CAMK1D: variants seen among roughly 807,000 people sequenced by gnomAD.
The protein encoded by CAMK1D is calcium/calmodulin-dependent protein kinase type 1D.
Under a neutral mutation model 47.7 loss-of-function variants are expected in CAMK1D, and 9 were observed. The observed-to-expected ratio is 0.19, with a 90% CI of 0.11 to 0.33. CAMK1D has a LOEUF of 0.33. Among genes scored for constraint, CAMK1D ranks in the 10% least tolerant of loss-of-function variants. The pLI is 1.00. For missense variants in CAMK1D, 291 were observed against 488.7 expected (o/e 0.60, Z 3.81); for synonymous variants, 184 against 184.9 (o/e 0.99, Z 0.04).
At chr10:12,755,418 T>A (rs1471447986) in intron 3 of CAMK1D, among the ~76,000 whole-genome samples, 4 of 152,228 alleles carry the variant, frequency 2.6e-5, no homozygotes. Flanking sequence ...CCAAGCCAGG[T>A]TAAGAATGTA....
chr10:12,419,272 C>G (rs1839964063), intron 1 of CAMK1D, among the ~76,000 whole-genome samples: 1 of 151,914 alleles, frequency 6.6e-6, no homozygotes, highest in Non-Finnish European at 1.5e-5. Flanking sequence ...AAATAAAAGG[C>G]AAGAGTGAGA....
intron 3 of CAMK1D, among the ~76,000 whole-genome samples, chr10:12,721,541 C>T (rs79905002): frequency 8.1e-6 from 1 of 122,922 alleles, no homozygotes; most frequent in African/African-American, 2.8e-5. Flanking sequence ...TCCATCCATC[C>T]ATCTATCCAT....
chr10:12,587,932 C>T (rs1216846301), intron 2 of CAMK1D, among the ~76,000 whole-genome samples: 3 of 151,214 alleles, frequency 2.0e-5, no homozygotes, highest in Non-Finnish European at 4.4e-5. Context: ...CCTTCAAGCT[C>T]TTTTAAATAG....
chr10:12,392,015 A>ACG (rs1270079364), intron 1 of CAMK1D, among the ~76,000 whole-genome samples: 4 of 149,212 alleles, frequency 2.7e-5, no homozygotes, highest in African/African-American at 9.9e-5. Context: ...ACACACACAC[A>ACG]CAAACAGTCT....
At position 12,771,689 on chromosome 10, in the gene CAMK1D, G is replaced by A. The variant is rs1047835680; in HGVS notation, c.565+1890G>A. Among the ~76,000 whole-genome samples the A allele has an allele frequency of 6.6e-5, 10 of 152,214 alleles. No individual in the cohort carries two copies. The East Asian group carries it at 1.7e-3, about 26-fold the overall frequency. On this transcript the variant is annotated intron_variant, in intron 5 of 10. Transcript: ENST00000619168. ...GCAGGGGGGCTCAATTCCCTGGATC[G>A]TGTGTATGCAGAAGGCACAGAAGAA...
At chr10:12,531,098 T>C (rs982854342) in intron 1 of CAMK1D, among the ~76,000 whole-genome samples, 6 of 150,016 alleles carry the variant, frequency 4.0e-5, no homozygotes, top group Non-Finnish European at 5.9e-5. Context: ...GATAAGACAA[T>C]TAATTTGAAC....
chr10:12,540,921 GGTT>G (rs1443868175), intron 1 of CAMK1D, among the ~76,000 whole-genome samples: 1 of 96,610 alleles, frequency 1.0e-5, no homozygotes, highest in African/African-American at 3.1e-5. Flanking sequence ...CTGAGTTATA[GGTT>G]TTTTTTTTTT....
At chr10:12,440,942 A>C (rs1269779078) in intron 1 of CAMK1D, among the ~76,000 whole-genome samples, 2 of 152,268 alleles carry the variant, frequency 1.3e-5, no homozygotes, top group African/African-American at 4.8e-5. Flanking sequence ...AAAGTGGGCC[A>C]AAAAGAATTC....
intron 1 of CAMK1D, among the ~76,000 whole-genome samples, chr10:12,509,127 G>C (rs542045569): frequency 2.0e-5 from 3 of 152,312 alleles, no homozygotes; most frequent in South Asian, 4.1e-4. Context: ...GAGAGGTCAG[G>C]GGGGAACCTT....
intron 3 of CAMK1D, among the ~76,000 whole-genome samples, chr10:12,714,535 A>G (rs1215082671): frequency 2.0e-5 from 3 of 152,136 alleles, no homozygotes; most frequent in Admixed American, 6.5e-5. Context: ...CCTGGCCAAC[A>G]TGATGAAACC....
intron 3 of CAMK1D, among the ~76,000 whole-genome samples, chr10:12,695,029 T>C (rs1253535120): frequency 2.1e-5 from 2 of 93,458 alleles, no homozygotes; most frequent in African/African-American, 7.5e-5. Context: ...TCTCGATAGA[T>C]AGATAGATAG....
chr10:12,732,886 C>A (rs1464607585), intron 3 of CAMK1D, among the ~76,000 whole-genome samples: 3 of 152,120 alleles, frequency 2.0e-5, no homozygotes, highest in Admixed American at 6.5e-5. Flanking sequence ...CTTCCCTCCA[C>A]CACTTACATC....
chr10:12,393,323 G>A (rs1251757394), intron 1 of CAMK1D, among the ~76,000 whole-genome samples: 1 of 152,064 alleles, frequency 6.6e-6, no homozygotes, highest in Non-Finnish European at 1.5e-5. Context: ...GAGACACTGC[G>A]CCTGGCCTTT....
intron 1 of CAMK1D, among the ~76,000 whole-genome samples, chr10:12,473,455 C>T (rs116723723): frequency 0.012 from 1,817 of 152,166 alleles, 38 homozygotes; most frequent in African/African-American, 0.042. Context: ...AAAACTGTAA[C>T]AATAATGAAC....
chr10:12,718,738 C>T (rs1032646354), intron 3 of CAMK1D, among the ~76,000 whole-genome samples: 7 of 152,212 alleles, frequency 4.6e-5, no homozygotes, highest in African/African-American at 1.7e-4. Context: ...GACTTAGAAT[C>T]TTCGTTGGCT....
At chr10:12,716,252 G>A (rs1393824297) in intron 3 of CAMK1D, among the ~76,000 whole-genome samples, 1 of 152,136 alleles carries the variant, frequency 6.6e-6, no homozygotes, top group Admixed American at 6.5e-5. Context: ...TTGCTGCAGA[G>A]GATGTCTTGT....
chr10:12,409,833 C>T (rs1839592826), intron 1 of CAMK1D, among the ~76,000 whole-genome samples: 1 of 152,214 alleles, frequency 6.6e-6, no homozygotes, highest in African/African-American at 2.4e-5. Context: ...CAAACAGAAA[C>T]TCTGTACCCA....
At chr10:12,625,303 T>A (rs1588704501) in intron 2 of CAMK1D, among the ~76,000 whole-genome samples, 1 of 123,880 alleles carries the variant, frequency 8.1e-6, no homozygotes, top group African/African-American at 3.2e-5. Context: ...AGCATTGCAC[T>A]CCAGCCTGGT....
chr10:12,525,726 A>G (rs1276379875), intron 1 of CAMK1D, among the ~76,000 whole-genome samples: 1 of 152,118 alleles, frequency 6.6e-6, no homozygotes, highest in Non-Finnish European at 1.5e-5. Context: ...CTATTTGTTT[A>G]GTATGATGAA....
Sources: allele counts gnomAD v4.1 joint callset (sites outside exome capture counted in the v4.1 genomes callset), GRCh38; gene constraint gnomAD v4.1.1; transcripts MANE v1.5; gene names NCBI Gene and HGNC (gene_info 2026-07-23, HGNC 2026-07-21).